The following PRKN variants were observed in gnomAD, a reference collection of about 807,000 sequenced individuals.
PRKN encodes the protein parkin RBR E3 ubiquitin protein ligase, also known as E3 ubiquitin-protein ligase parkin.
Under a neutral mutation model 59.5 loss-of-function variants are expected in PRKN, and 56 were observed. The ratio of observed to expected loss-of-function variants is 0.94; its 90% CI spans 0.76 to 1.18. The LOEUF is 1.18. Among genes scored for constraint, PRKN ranks in the 50% most tolerant of loss-of-function variants. The probability of loss-of-function intolerance (pLI) is 0.00; values close to 1 mark genes in which losing one functional copy is unlikely to be tolerated. For synonymous variants in PRKN, 250 were observed against 222.1 expected (o/e 1.13, Z -1.12); for missense variants, 657 against 596.4 (o/e 1.10, Z -1.06).
chr6:162,086,489 T>C (rs188022253), intron 4 of PRKN, among the ~76,000 whole-genome samples: 1 of 152,304 alleles, frequency 6.6e-6, no homozygotes, highest in East Asian at 1.9e-4. Context: ...GCTGTTACCA[T>C]ACTAGCAGTG....
At chr6:161,741,298 G>C (rs752697902) in intron 7 of PRKN, among the ~76,000 whole-genome samples, 1 of 152,124 alleles carries the variant, frequency 6.6e-6, no homozygotes, top group African/African-American at 2.4e-5. Context: ...TTTCTCCGAG[G>C]ACCTGATTCA....
At chr6:162,642,828 A>C (rs1778013927) in intron 1 of PRKN, among the ~76,000 whole-genome samples, 1 of 152,008 alleles carries the variant, frequency 6.6e-6, no homozygotes, top group Non-Finnish European at 1.5e-5. Flanking sequence ...CTGTAAGAAT[A>C]TTTTAAGTCT....
intron 1 of PRKN, among the ~76,000 whole-genome samples, chr6:162,626,807 C>T (rs778308349): frequency 2.0e-5 from 2 of 97,894 alleles, no homozygotes; most frequent in Non-Finnish European, 4.1e-5. Flanking sequence ...CAGCGAGACT[C>T]TGTCTCCAAA....
At chr6:162,012,368 GTAAAC>G (rs1782763360) in intron 5 of PRKN, among the ~76,000 whole-genome samples, 1 of 151,786 alleles carries the variant, frequency 6.6e-6, no homozygotes, top group African/African-American at 2.4e-5. Context: ...AAAAAAGAAA[GTAAAC>G]TAAAACAAGT....
chr6:162,487,667 G>A (rs1792610356), intron 1 of PRKN, among the ~76,000 whole-genome samples: 1 of 152,072 alleles, frequency 6.6e-6, no homozygotes, highest in South Asian at 2.1e-4. Context: ...TGAATTTCAT[G>A]GACCAGAATT....
At chr6:162,375,776 CCA>C in intron 2 of PRKN, among the ~76,000 whole-genome samples, 2 of 150,770 alleles carry the variant, frequency 1.3e-5, no homozygotes, top group Non-Finnish European at 3.0e-5. Context: ...AACACACACC[CCA>C]CTCTCTCTCT....
intron 5 of PRKN, among the ~76,000 whole-genome samples, chr6:162,027,859 A>G (rs541394031): frequency 1.3e-5 from 2 of 152,020 alleles, no homozygotes; most frequent in African/African-American, 4.8e-5. Context: ...GAAGGGGCAG[A>G]AAAGGAGAGA....
intron 9 of PRKN, among the ~76,000 whole-genome samples, chr6:161,418,204 C>T (rs572072678): frequency 2.0e-5 from 3 of 152,202 alleles, no homozygotes; most frequent in Non-Finnish European, 2.9e-5. Context: ...ATGAGTTAGA[C>T]AGATAACGTG....
At chr6:162,618,005 TC>T (rs1314661495) in intron 1 of PRKN, among the ~76,000 whole-genome samples, 2 of 152,150 alleles carry the variant, frequency 1.3e-5, no homozygotes, top group Non-Finnish European at 2.9e-5. Context: ...GAAGGAATTT[TC>T]CCAGGACGGC....
rs1172752105 is a variant in PRKN at position 161,757,942 on chromosome 6, T to C, written c.871+27830A>G. Reference sequence around the variant, plus strand: ...ACACATCTCTCTCTCTGTATATATATGTATATATATATACAGTTAAATATA... The same window carrying C: ...ACACATCTCTCTCTCTGTATATATACGTATATATATATACAGTTAAATATA... On this transcript the variant is annotated intron_variant, in intron 7 of 11. Coordinates refer to ENST00000366898, the MANE Select transcript of PRKN (RefSeq NM_004562.3). Among the ~76,000 whole-genome samples, 3 of 136,470 alleles carry C rather than the reference T, an allele frequency of 2.2e-5. 1 individual carries two copies. The Admixed American group carries it at 2.3e-4, about 10-fold the overall frequency. 89.5% of individuals were successfully genotyped at this position (136,470 alleles called of 152,430 possible). A position where few individuals can be genotyped will look rare whatever the true frequency, so the allele number is the denominator to read the frequency against.
At chr6:162,169,404 G>C (rs1419667813) in intron 4 of PRKN, among the ~76,000 whole-genome samples, 1 of 152,126 alleles carries the variant, frequency 6.6e-6, no homozygotes, top group Non-Finnish European at 1.5e-5. Context: ...TAAATCACCA[G>C]TAAGTTTGCG....
chr6:162,601,727 T>C (rs1345299502), intron 1 of PRKN, among the ~76,000 whole-genome samples: 1 of 152,180 alleles, frequency 6.6e-6, no homozygotes, highest in African/African-American at 2.4e-5. Flanking sequence ...GAGGAGTACA[T>C]TTTTATATAT....
At chr6:162,338,272 T>TCTCCCTACGGTCTCCCTCTCTTTCC (rs1783939890) in intron 2 of PRKN, among the ~76,000 whole-genome samples, 1 of 152,120 alleles carries the variant, frequency 6.6e-6, no homozygotes. Context: ...TCCCTCTCCC[T>TCTCCCTACGGTCTCCCTCTCTTTCC]ACGGTCTCCC....
At chr6:162,289,152 C>T (rs1260442512) in intron 2 of PRKN, among the ~76,000 whole-genome samples, 1 of 149,440 alleles carries the variant, frequency 6.7e-6, no homozygotes, top group Admixed American at 6.8e-5. Flanking sequence ...ATCGGCAGGG[C>T]TGGTTCCTTC....
At chr6:162,525,373 C>T (rs1455221367) in intron 1 of PRKN, among the ~76,000 whole-genome samples, 1 of 152,206 alleles carries the variant, frequency 6.6e-6, no homozygotes, top group Non-Finnish European at 1.5e-5. Context: ...CCAACCTCCC[C>T]TGAGCCTGAA....
intron 2 of PRKN, among the ~76,000 whole-genome samples, chr6:162,375,262 T>A (rs77672673): frequency 6.6e-6 from 1 of 152,100 alleles, no homozygotes; most frequent in Non-Finnish European, 1.5e-5. Flanking sequence ...CTAAACTTCA[T>A]GTAACACCTT....
chr6:161,963,831 G>A (rs891118778), intron 6 of PRKN, among the ~76,000 whole-genome samples: 1 of 152,178 alleles, frequency 6.6e-6, no homozygotes, highest in Non-Finnish European at 1.5e-5. Flanking sequence ...TGCTGGCCAC[G>A]GTAGGGAGGA....
chr6:162,249,384 G>A lies in PRKN; in HGVS notation c.412+13141C>T, dbSNP rs143409806. On this transcript the variant is annotated intron_variant, in intron 3 of 11. Coordinates refer to ENST00000366898, the MANE Select transcript of PRKN (RefSeq NM_004562.3). ...AGGATACACATGGAGAATTATATAT[G>A]AGAATAAATCTCACTTCATCAAACA... Among the ~76,000 whole-genome samples, 148 of 152,230 alleles carry A rather than the reference G, an allele frequency of 9.7e-4. 3 individuals carry two copies. The East Asian group carries it at 0.022, about 23-fold the overall frequency.
At chr6:161,970,165 C>A (rs1476590009) in intron 6 of PRKN, among the ~76,000 whole-genome samples, 1 of 152,040 alleles carries the variant, frequency 6.6e-6, no homozygotes, top group African/African-American at 2.4e-5. Flanking sequence ...CCTCAGCCTC[C>A]CAGGTAGCTG....
Sources: gnomAD v4.1 joint callset for allele counts (sites outside exome capture counted in the v4.1 genomes callset) on GRCh38, gnomAD v4.1.1 for gene constraint, MANE v1.5 for transcripts, NCBI Gene and HGNC (gene_info 2026-07-23, HGNC 2026-07-21) for gene names.